DHRSX: variants seen among roughly 807,000 people sequenced by gnomAD.
DHRSX encodes the protein dehydrogenase/reductase X-linked.
In DHRSX, 31 loss-of-function variants were observed where a neutral mutation model predicts 34.0. The ratio of observed to expected loss-of-function variants is 0.91; its 90% confidence interval spans 0.69 to 1.23. DHRSX has a LOEUF of 1.23. Among genes scored for constraint, DHRSX ranks in the 50% most tolerant of loss-of-function variants. The pLI, the probability that DHRSX is intolerant of heterozygous loss-of-function variation, is 0.00. For missense variants in DHRSX, 414 were observed against 428.1 expected (o/e 0.97, Z 0.29); for synonymous variants, 201 against 183.8 (o/e 1.09, Z -0.76).
intron 3 of DHRSX, among the ~76,000 whole-genome samples, chrX:2,318,412 G>A (rs778636335): frequency 2.0e-5 from 3 of 152,064 alleles, no homozygotes; most frequent in South Asian, 4.1e-4. Flanking sequence ...CATGAGAGGA[G>A]GTCGGCATTA....
intron 3 of DHRSX, among the ~76,000 whole-genome samples, chrX:2,348,769 C>T (rs1271318382): frequency 2.6e-5 from 4 of 151,826 alleles, no homozygotes; most frequent in African/African-American, 7.3e-5. Context: ...TCTCGGCTCA[C>T]GGCAACCTCC....
intron 3 of DHRSX, among the ~76,000 whole-genome samples, chrX:2,312,511 G>A (rs1349674225): frequency 6.6e-6 from 1 of 151,970 alleles, no homozygotes; most frequent in Non-Finnish European, 1.5e-5. Flanking sequence ...ACTCATAAGG[G>A]GGAGTTGAAC....
chrX:2,247,234 C>T (rs2016319538), intron 5 of DHRSX, among the ~76,000 whole-genome samples: 1 of 152,006 alleles, frequency 6.6e-6, no homozygotes, highest in South Asian at 2.1e-4. Flanking sequence ...CAGGTGTGAG[C>T]CACTGTACAT....
intron 3 of DHRSX, among the ~76,000 whole-genome samples, chrX:2,296,548 CCCAGGCAGA>C (rs2041934867): frequency 7.8e-5 from 8 of 102,334 alleles, no homozygotes; most frequent in African/African-American, 3.2e-4. Context: ...GCAGATAGAC[CCCAGGCAGA>C]TAGGAATAGG....
chrX:2,293,831 GGTCTGCCTGTGCCCCCCAT>G (rs1569484729), intron 3 of DHRSX, among the ~76,000 whole-genome samples: 1 of 151,942 alleles, frequency 6.6e-6, no homozygotes, highest in Non-Finnish European at 1.5e-5. Context: ...TGGGGGGAGG[GGTCTGCCTGTGCCCCCCAT>G]GTCTGCACTG....
chrX:2,458,564 G>C (rs370439505), intron 1 of DHRSX, among the ~76,000 whole-genome samples: 3 of 152,178 alleles, frequency 2.0e-5, no homozygotes, highest in Non-Finnish European at 4.4e-5. Flanking sequence ...AATGTGAAGT[G>C]AAATGAACCA....
At chrX:2,398,077 CAAAG>C (rs1486509055) in intron 3 of DHRSX, among the ~76,000 whole-genome samples, 1 of 151,808 alleles carries the variant, frequency 6.6e-6, no homozygotes, top group Admixed American at 6.6e-5. Context: ...AAGGATTACA[CAAAG>C]AGATGAGTTG....
At chrX:2,379,232 GAAGAA>G (rs752113650) in intron 3 of DHRSX, among the ~76,000 whole-genome samples, 13 of 152,226 alleles carry the variant, frequency 8.5e-5, no homozygotes, top group African/African-American at 2.9e-4. Context: ...AGAAGAACAT[GAAGAA>G]AAGAGGGAGA....
At chrX:2,479,025 T>A (rs1231685952) in intron 1 of DHRSX, among the ~76,000 whole-genome samples, 1 of 150,688 alleles carries the variant, frequency 6.6e-6, no homozygotes, top group East Asian at 2.0e-4. Flanking sequence ...ACTGAAGTCA[T>A]TCCCTAAGCA....
At chrX:2,293,165 G>A (rs1486953010) in intron 3 of DHRSX, among the ~76,000 whole-genome samples, 2 of 151,594 alleles carry the variant, frequency 1.3e-5, no homozygotes, top group African/African-American at 2.4e-5. Flanking sequence ...TATGTCTATT[G>A]TATTCAGTAT....
chrX:2,253,426 G>A (rs2016487196), intron 5 of DHRSX, among the ~76,000 whole-genome samples: 1 of 151,722 alleles, frequency 6.6e-6, no homozygotes. Context: ...ACATGGCCGT[G>A]AGCCAAGATG....
chrX:2,483,324 T>C (rs1457572791), intron 1 of DHRSX, among the ~76,000 whole-genome samples: 1 of 152,060 alleles, frequency 6.6e-6, no homozygotes, highest in African/African-American at 2.4e-5. Context: ...AGTGCAGTGG[T>C]ATGTTCACAG....
At chrX:2,406,934 G>T (rs1435998442) in intron 3 of DHRSX, among the ~76,000 whole-genome samples, 1 of 152,190 alleles carries the variant, frequency 6.6e-6, no homozygotes, top group Non-Finnish European at 1.5e-5. Flanking sequence ...CAAAGCAAAT[G>T]AAATCAGTGT....
chrX:2,489,627 T>G (rs745440861), intron 1 of DHRSX: 4 of 1,612,476 alleles, frequency 2.5e-6, no homozygotes, highest in Non-Finnish European at 3.4e-6. Flanking sequence ...TGCTGCTCCT[T>G]GAGGCGCTGC....
At chrX:2,483,063 CA>C (rs35033652) in intron 1 of DHRSX, among the ~76,000 whole-genome samples, 32,738 of 151,962 alleles carry the variant, frequency 0.22, 3,853 homozygotes, top group African/African-American at 0.28. Flanking sequence ...AGAACAAGCA[CA>C]ACTTCTGCTT....
At chrX:2,382,494 A>G (rs2043213529) in intron 3 of DHRSX, among the ~76,000 whole-genome samples, 2 of 151,120 alleles carry the variant, frequency 1.3e-5, no homozygotes, top group Admixed American at 1.3e-4. Flanking sequence ...CACCACCATC[A>G]TCATTACCAT....
At chrX:2,357,529 C>A (rs1216291858) in intron 3 of DHRSX, among the ~76,000 whole-genome samples, 3 of 151,962 alleles carry the variant, frequency 2.0e-5, no homozygotes, top group Non-Finnish European at 4.4e-5. Context: ...AAAAGGACAT[C>A]TGCCAATGGA....
At chrX:2,434,694 T>C (rs1020480266) in intron 1 of DHRSX, among the ~76,000 whole-genome samples, 3 of 152,098 alleles carry the variant, frequency 2.0e-5, no homozygotes, top group Non-Finnish European at 4.4e-5. Context: ...AAAGAAAATT[T>C]ACATGCATTT....
chrX:2,342,725 C>T (rs1256171301), intron 3 of DHRSX, among the ~76,000 whole-genome samples: 4 of 152,106 alleles, frequency 2.6e-5, no homozygotes, highest in Non-Finnish European at 5.9e-5. Flanking sequence ...CTCATAGCAT[C>T]GACATAACAA....
Sources: allele counts gnomAD v4.1 joint callset (sites outside exome capture counted in the v4.1 genomes callset), GRCh38; gene constraint gnomAD v4.1.1; transcripts MANE v1.5; gene names NCBI Gene and HGNC (gene_info 2026-07-23, HGNC 2026-07-21).